Variants in TUBB6 observed in about 807,000 individuals in gnomAD.
TUBB6 encodes the protein tubulin beta-6 chain.
TUBB6 carries 18 observed loss-of-function variants against 32.3 expected under a neutral mutation model. That is an observed-to-expected ratio of 0.56 (90% confidence interval 0.39 to 0.83). The LOEUF is 0.83. TUBB6 is among the 40% of genes least tolerant of loss of function. The pLI is 0.00. For synonymous variants in TUBB6, 280 were observed against 265.8 expected (o/e 1.05, Z -0.52); for missense variants, 480 against 632.0 (o/e 0.76, Z 2.58).
chr18:12,324,668 C>A, intron 3 of TUBB6: 1 of 666,032 alleles, frequency 1.5e-6, no homozygotes, highest in Non-Finnish European at 2.1e-6. Context: ...CCAGGCTGGT[C>A]TCTAACTCCT....
At chr18:12,321,386 G>A (rs568904105) in intron 3 of TUBB6, among the ~76,000 whole-genome samples, 1 of 152,300 alleles carries the variant, frequency 6.6e-6, no homozygotes, top group East Asian at 1.9e-4. Flanking sequence ...GTTATGTACT[G>A]CAGAAGCCAG....
rs767736042 is a variant in TUBB6 at position 12,326,002 on chromosome 18, G to C, written c.1213G>C (p.Glu405Gln). ...LHWFTGEGMD[E>Q]MEFTEAESNM... is the part of the protein sequence containing the mutation. ...CTGGTTCACGGGTGAGGGCATGGATGAAATGGAGTTCACCGAGGCGGAGAG... is the reference window on the plus strand; with the variant it reads ...CTGGTTCACGGGTGAGGGCATGGATCAAATGGAGTTCACCGAGGCGGAGAG... The change falls in exon 4 of 4, where the codon GAA (glutamate) becomes CAA (glutamine). Residue 405 changes from glutamate (E) to glutamine (Q), a missense_variant. Glu to Gln is a conservative substitution (Grantham distance 29, BLOSUM62 2). Coordinates refer to ENST00000317702, the MANE Select transcript of TUBB6 (RefSeq NM_032525.3). 6 of 1,614,166 alleles carry C rather than the reference G, an allele frequency of 3.7e-6. No individual in the cohort carries two copies. The highest frequency in any genetic ancestry group is 5.1e-6 in the Non-Finnish European group (6 of 1,180,050).
chr18:12,329,041 T>C, downstream of TUBB6: 1 of 674,744 alleles, frequency 1.5e-6, no homozygotes. Flanking sequence ...ACAGCTCCTG[T>C]AGAAAACCAT....
downstream of TUBB6, among the ~76,000 whole-genome samples, chr18:12,327,040 G>A (rs965771531): frequency 1.4e-4 from 22 of 152,304 alleles, no homozygotes; most frequent in East Asian, 3.9e-4. Context: ...TAAACTCCAC[G>A]GGGCACGCAC....
At chr18:12,319,001 T>C (rs1454814376) in intron 3 of TUBB6, among the ~76,000 whole-genome samples, 1 of 152,224 alleles carries the variant, frequency 6.6e-6, no homozygotes, top group Non-Finnish European at 1.5e-5. Context: ...ACAGTACACA[T>C]AGATTGTGTA....
At chr18:12,310,797 G>T in intron 2 of TUBB6, 146 bp from the exon 3 acceptor site, 1 of 529,610 alleles carries the variant, frequency 1.9e-6, no homozygotes. Flanking sequence ...CCAATTCTGT[G>T]ATTCTAAGAA....
chr18:12,322,582 T>C (rs1347728260), intron 3 of TUBB6, among the ~76,000 whole-genome samples: 1 of 152,188 alleles, frequency 6.6e-6, no homozygotes, highest in Admixed American at 6.5e-5. Context: ...AAATACTTTT[T>C]GATAATAGCT....
chr18:12,325,883 C>G lies in TUBB6; in HGVS notation c.1094C>G (p.Ser365Cys), dbSNP rs753209594. The G allele has an allele frequency of 5.6e-6, 9 of 1,614,028 alleles. No individual in the cohort carries two copies. The East Asian group carries it at 1.6e-4, about 28-fold the overall frequency. The change falls in exon 4 of 4, where the codon TCC becomes TGC. Residue 365 changes from serine to cysteine, a missense_variant. Physicochemically the swap from Ser to Cys is moderately radical, Grantham distance 112 (BLOSUM62 -1). Coordinates refer to ENST00000317702, the MANE Select transcript of TUBB6 (RefSeq NM_032525.3). ...DIPPRGLKMASTFIGNSTAIQ... is the reference protein window; with the variant it reads ...DIPPRGLKMACTFIGNSTAIQ... ...CCGCCCCGCGGCCTGAAGATGGCCT[C>G]CACCTTCATCGGCAACAGCACGGCC...
upstream of TUBB6, chr18:12,308,112 C>T (rs896924095): frequency 5.2e-6 from 1 of 193,066 alleles, no homozygotes; most frequent in African/African-American, 2.4e-5. Context: ...CGCGTCCTCC[C>T]TCGGCTGCTG....
chr18:12,329,603 C>G (rs750261394), downstream of TUBB6: 1 of 1,614,180 alleles, frequency 6.2e-7, no homozygotes, highest in Non-Finnish European at 8.5e-7. Flanking sequence ...TCCTCTTTCT[C>G]CTTTTCCCGC....
chr18:12,324,510 T>C (rs1361587303), intron 3 of TUBB6, among the ~76,000 whole-genome samples: 1 of 149,984 alleles, frequency 6.7e-6, no homozygotes, highest in Non-Finnish European at 1.5e-5. Flanking sequence ...TGGCACCATC[T>C]CAGCACACTA....
Position 12,309,820 on chromosome 18 carries a change from C to G in TUBB6, c.166+1025C>G, listed in dbSNP as rs771019871. 5.9e-5 allele frequency among the ~76,000 whole-genome samples: 9 copies of G among 152,164 alleles called. No homozygotes were observed. The East Asian group carries it at 7.7e-4, about 13-fold the overall frequency. On this transcript the variant is annotated intron_variant, in intron 2 of 3. Coordinates refer to ENST00000317702, the MANE Select transcript of TUBB6 (RefSeq NM_032525.3). ...TAGCCCAATTGGCATGAAATTTCCA[C>G]ACAAGAACACTCTGACTCAAAATGA...
At chr18:12,329,611 C>T (rs753450684), downstream of TUBB6, 12 of 1,614,142 alleles carry the variant, frequency 7.4e-6, no homozygotes, top group Middle Eastern at 1.7e-4. Flanking sequence ...CTCCTTTTCC[C>T]GCTCCTTGTT....
chr18:12,317,559 T>TGAA (rs1398046380), intron 3 of TUBB6, among the ~76,000 whole-genome samples: 1 of 152,240 alleles, frequency 6.6e-6, no homozygotes, highest in Non-Finnish European at 1.5e-5. Flanking sequence ...GGGAAAAGAA[T>TGAA]GAAGCACCAG....
At chr18:12,325,006 C>T (rs1452563668) in intron 3 of TUBB6, 61 bp from the exon 4 acceptor site, 1 of 1,523,352 alleles carries the variant, frequency 6.6e-7, no homozygotes, top group Non-Finnish European at 8.8e-7. Flanking sequence ...TGTCGGTGAC[C>T]AAGCATGGTG....
intron 3 of TUBB6, among the ~76,000 whole-genome samples, chr18:12,322,828 T>C (rs1907059892): frequency 6.6e-6 from 1 of 152,210 alleles, no homozygotes; most frequent in Non-Finnish European, 1.5e-5. Context: ...ATAGATAACA[T>C]TTAATACTTT....
downstream of TUBB6, chr18:12,329,451 G>A: frequency 9.0e-7 from 1 of 1,110,864 alleles, no homozygotes; most frequent in South Asian, 1.2e-5. Context: ...TTTCAGCTGG[G>A]CCAGTGGCTG....
At chr18:12,329,368 G>A (rs568176909), downstream of TUBB6, 4 of 679,220 alleles carry the variant, frequency 5.9e-6, no homozygotes, top group East Asian at 1.1e-4. Flanking sequence ...TTTCCCTCAA[G>A]GCCTCCGGAA....
chr18:12,324,660 AG>A (rs1463092620), intron 3 of TUBB6: 1 of 591,952 alleles, frequency 1.7e-6, no homozygotes, highest in Non-Finnish European at 2.5e-6. Flanking sequence ...CATGTTGCCC[AG>A]GCTGGTCTCT....
Sources: gnomAD v4.1 joint callset for allele counts (sites outside exome capture counted in the v4.1 genomes callset) on GRCh38, gnomAD v4.1.1 for gene constraint, MANE v1.5 for transcripts, NCBI Gene and HGNC (gene_info 2026-07-23, HGNC 2026-07-21) for gene names.